TTC13: variants seen among roughly 807,000 people sequenced by gnomAD.
TTC13 encodes tetratricopeptide repeat protein 13.
Under a neutral mutation model 120.0 loss-of-function variants are expected in TTC13, and 62 were observed. That is an observed-to-expected ratio of 0.52 (90% CI 0.42 to 0.64). The LOEUF (loss-of-function observed/expected upper bound fraction) is 0.64, where lower values mean the gene tolerates loss of function less well. Ranked by LOEUF, TTC13 falls within the 30% of genes least tolerant of loss-of-function variation. The pLI is 0.00. For missense variants in TTC13, 824 were observed against 1,050.2 expected (o/e 0.78, Z 2.98); for synonymous variants, 384 against 393.5 (o/e 0.98, Z 0.28).
At chr1:230,934,795 A>ATC (rs1476678458) in intron 8 of TTC13, among the ~76,000 whole-genome samples, 1 of 152,266 alleles carries the variant, frequency 6.6e-6, no homozygotes, top group Non-Finnish European at 1.5e-5. Flanking sequence ...ATGACTTTAG[A>ATC]TAATTTTACA....
chr1:230,945,572 C>A (rs545396554), intron 4 of TTC13, 118 bp from the exon 5 acceptor site: 381 of 882,794 alleles, frequency 4.3e-4, no homozygotes, highest in Non-Finnish European at 6.8e-4. Flanking sequence ...TATGCTACGA[C>A]CACTCGTAAG....
intron 15 of TTC13, among the ~76,000 whole-genome samples, chr1:230,923,124 G>A (rs1572197492): frequency 6.6e-6 from 1 of 152,068 alleles, no homozygotes. Context: ...GCATTTTAGA[G>A]GTGACACAAC....
At chr1:230,934,016 A>G (rs1257133790) in intron 8 of TTC13, among the ~76,000 whole-genome samples, 155 bp from the exon 9 acceptor site, 2 of 152,230 alleles carry the variant, frequency 1.3e-5, no homozygotes, top group Non-Finnish European at 2.9e-5. Context: ...GCAATAAACT[A>G]TAAGTCAGAA....
intron 1 of TTC13, among the ~76,000 whole-genome samples, chr1:230,972,910 C>T (rs1308349713): frequency 6.6e-6 from 1 of 152,198 alleles, no homozygotes; most frequent in Non-Finnish European, 1.5e-5. Flanking sequence ...AAGGGAAACA[C>T]CCTCTGGCAA....
At position 230,973,143 on chromosome 1, in the gene TTC13, T is replaced by A. The variant is rs1390505111; in HGVS notation, c.271+5417A>T. Among the ~76,000 whole-genome samples, 46 of 152,212 alleles carry A rather than the reference T, an allele frequency of 3.0e-4. 1 individual carries two copies. Among genetic ancestry groups the A allele is most frequent in the Admixed American group, 3.0e-3 (46 of 15,290 alleles). On this transcript the variant is annotated intron_variant, in intron 1 of 22. Coordinates refer to ENST00000366661, the MANE Select transcript of TTC13 (RefSeq NM_024525.5). ...ACACTCACAGTAATGGTTACCACAA[T>A]TGCTATGACTGAGCACAAAATGTGG... is the stretch of plus-strand genomic sequence containing the variant.
chr1:230,967,624 T>A (rs1461833649), intron 1 of TTC13, among the ~76,000 whole-genome samples: 1 of 152,234 alleles, frequency 6.6e-6, no homozygotes, highest in Non-Finnish European at 1.5e-5. Context: ...AAAATTTTTA[T>A]AACTATGTAT....
intron 4 of TTC13, among the ~76,000 whole-genome samples, chr1:230,946,549 G>T (rs1280497540): frequency 2.0e-5 from 3 of 152,176 alleles, no homozygotes; most frequent in African/African-American, 7.2e-5. Flanking sequence ...CAGCAGATTG[G>T]ACTACACGGT....
At chr1:230,951,921 G>A (rs926233393) in intron 4 of TTC13, among the ~76,000 whole-genome samples, 1 of 152,170 alleles carries the variant, frequency 6.6e-6, no homozygotes, top group Non-Finnish European at 1.5e-5. Flanking sequence ...TACTTTTACA[G>A]TGTCTCGATG....
At chr1:230,926,731 G>A (rs929452855) in intron 12 of TTC13, among the ~76,000 whole-genome samples, 3 of 152,152 alleles carry the variant, frequency 2.0e-5, no homozygotes, top group Non-Finnish European at 2.9e-5. Flanking sequence ...TAATCTCCAT[G>A]AGCAATCAAT....
At chr1:230,954,474 C>G (rs760653018) in intron 3 of TTC13, 71 bp from the exon 4 acceptor site, 53 of 1,224,856 alleles carry the variant, frequency 4.3e-5, no homozygotes, top group Non-Finnish European at 6.1e-5. Context: ...TAACTAAATG[C>G]TTTGGTAAAT....
In TTC13 at chr1:230,978,625, G is replaced by A. The variant is rs1450652613; in HGVS notation, c.206C>T (p.Ala69Val). ...CTGCGGGCTGCAGCCGCCGCCGCCC[G>A]CCGGGGCCTCCTGCTGCTGCCGGTG... is the stretch of plus-strand genomic sequence containing the variant. ...LQHRQQQEAP[A>V]GGGGCSPQSG... The change falls in exon 1 of 23, where the codon GCG becomes GTG. Residue 69 changes from alanine to valine, a missense_variant. Physicochemically the swap from Ala to Val is moderately conservative, Grantham distance 64. This residue lies in a region of TTC13 where 160 missense variants were observed against 137.2 expected (regional missense o/e 1.17). Coordinates refer to ENST00000366661, the MANE Select transcript of TTC13 (RefSeq NM_024525.5). This position sits in a 1 kb window ranked among gnomAD's most constrained non-coding sequence, Gnocchi z 5.6. 1.4e-6 allele frequency: 2 copies of A among 1,465,644 alleles called. No individual in the cohort carries two copies. Among genetic ancestry groups the A allele is most frequent in the Non-Finnish European group, 9.0e-7 (1 of 1,114,232 alleles). 90.8% of individuals were successfully genotyped at this position (1,465,644 alleles called of 1,614,324 possible). A position where few individuals can be genotyped will look rare whatever the true frequency, so the allele number is the denominator to read the frequency against.
chr1:230,953,897 T>C (rs909902215), intron 4 of TTC13, among the ~76,000 whole-genome samples: 1 of 152,096 alleles, frequency 6.6e-6, no homozygotes, highest in Admixed American at 6.6e-5. Context: ...TACCTATGAG[T>C]AGAAATTAAG....
At chr1:230,954,776 T>C (rs2102938019) in intron 3 of TTC13, among the ~76,000 whole-genome samples, 1 of 152,320 alleles carries the variant, frequency 6.6e-6, no homozygotes, top group South Asian at 2.1e-4. Flanking sequence ...CAATGTGATT[T>C]TTTACTGTGA....
chr1:230,912,526 G>C, intron 19 of TTC13, 97 bp downstream of exon 19: 1 of 1,376,774 alleles, frequency 7.3e-7, no homozygotes, highest in Non-Finnish European at 1.0e-6. Context: ...CCAATTTCAA[G>C]CATAAGATGT....
intron 17 of TTC13, among the ~76,000 whole-genome samples, chr1:230,920,011 G>C (rs1422686574): frequency 6.6e-6 from 1 of 152,144 alleles, no homozygotes; most frequent in Non-Finnish European, 1.5e-5. Context: ...CCTATACTCT[G>C]CTCTGCAAAT....
chr1:230,951,974 A>G (rs1675636866), intron 4 of TTC13, among the ~76,000 whole-genome samples: 1 of 152,206 alleles, frequency 6.6e-6, no homozygotes, highest in Non-Finnish European at 1.5e-5. Flanking sequence ...AGAAAACTCA[A>G]ACAGAGACTG....
chr1:230,921,639 G>A (rs974596939), intron 15 of TTC13, 135 bp from the exon 16 acceptor site: 16 of 527,786 alleles, frequency 3.0e-5, no homozygotes, highest in African/African-American at 2.0e-4. Context: ...TGGGAAATTC[G>A]CTTGTTCATA....
intron 2 of TTC13, among the ~76,000 whole-genome samples, 174 bp from the exon 3 acceptor site, chr1:230,958,473 T>C (rs936548744): frequency 1.3e-5 from 2 of 152,218 alleles, no homozygotes; most frequent in Admixed American, 1.3e-4. Context: ...CAGTAGAACC[T>C]TGATGACGAG....
chr1:230,920,254 T>G lies in TTC13; in HGVS notation c.1983+256A>C, dbSNP rs1039393772. On this transcript the variant is annotated intron_variant, in intron 17 of 22. Coordinates refer to ENST00000366661, the MANE Select transcript of TTC13 (RefSeq NM_024525.5). ...AGAAGGGCAGCTGAGTACCAGTTACTCAGCTGTGGCCAGAAGCAGAATTCA... is the reference window on the plus strand; with the variant it reads ...AGAAGGGCAGCTGAGTACCAGTTACGCAGCTGTGGCCAGAAGCAGAATTCA... The G allele has an allele frequency of 9.9e-5, 27 of 272,182 alleles. 1 individual carries two copies. Among genetic ancestry groups the G allele is most frequent in the Non-Finnish European group, 1.9e-4 (27 of 143,608 alleles). The allele number at this position is 272,182 out of a possible 1,614,324, so 16.9% of individuals were successfully genotyped here. A position where few individuals can be genotyped will look rare whatever the true frequency, so the allele number is the denominator to read the frequency against.
Sources: allele counts gnomAD v4.1 joint callset (sites outside exome capture counted in the v4.1 genomes callset), GRCh38; gene constraint gnomAD v4.1.1; regional missense constraint gnomAD v4.1.1; non-coding constraint Gnocchi (gnomAD v3.1); transcripts MANE v1.5; gene names NCBI Gene and HGNC (gene_info 2026-07-23, HGNC 2026-07-21).